The following GPRC6A variants were observed in gnomAD, a reference collection of about 807,000 sequenced individuals.
GPRC6A encodes the protein G protein-coupled receptor class C group 6 member A.
In GPRC6A, 54 loss-of-function variants were observed where a neutral mutation model predicts 47.0. The observed-to-expected ratio is 1.15, with a 90% CI of 0.92 to 1.44. GPRC6A has a LOEUF of 1.44. GPRC6A is among the 40% of genes most tolerant of loss of function. The pLI is 0.00. For missense variants in GPRC6A, 1,112 were observed against 1,105.5 expected (o/e 1.01, Z -0.08); for synonymous variants, 347 against 377.1 (o/e 0.92, Z 0.93).
intron 1 of GPRC6A, among the ~76,000 whole-genome samples, chr6:116,811,802 T>A (rs2203191): frequency 0.12 from 17,440 of 151,460 alleles, 1,291 homozygotes; most frequent in African/African-American, 0.21. Context: ...GTTCAACTTT[T>A]GAAATAACCC....
At chr6:116,795,210 G>A (rs1014019224) in intron 5 of GPRC6A, among the ~76,000 whole-genome samples, 7 of 152,146 alleles carry the variant, frequency 4.6e-5, no homozygotes, top group African/African-American at 1.7e-4. Context: ...TTGGTCCCTT[G>A]TCTCACAGAA....
chr6:116,814,116 G>A (rs1203383061), intron 1 of GPRC6A, among the ~76,000 whole-genome samples: 1 of 152,188 alleles, frequency 6.6e-6, no homozygotes, highest in Non-Finnish European at 1.5e-5. Context: ...AGATGCTGGA[G>A]AGGATGTGGA....
chr6:116,812,963 AACAG>A (rs1332678754), intron 1 of GPRC6A, among the ~76,000 whole-genome samples: 1 of 152,196 alleles, frequency 6.6e-6, no homozygotes, highest in Admixed American at 6.5e-5. Flanking sequence ...ATACACCAAT[AACAG>A]ACAAACAGAG....
intron 1 of GPRC6A, among the ~76,000 whole-genome samples, chr6:116,821,591 G>C (rs1178814508): frequency 1.2e-4 from 18 of 152,030 alleles, no homozygotes; most frequent in Admixed American, 6.6e-4. Context: ...ACAAACCTGA[G>C]AAAAACAAGC....
rs547136521 is a variant in GPRC6A, at chr6:116,813,560, GA to G, written c.195-3944del. On this transcript the variant is annotated intron_variant, in intron 1 of 5. Coordinates refer to ENST00000310357, the MANE Select transcript of GPRC6A (RefSeq NM_148963.4). Reference sequence around the variant, plus strand: ...TGGGAAAGCTGGCTAGCCATATGCAGAAAGCTGAAACCGGATCCCTTCCTTA... The same window carrying G: ...TGGGAAAGCTGGCTAGCCATATGCAGAAGCTGAAACCGGATCCCTTCCTTA... 3.7e-3 allele frequency among the ~76,000 whole-genome samples: 568 copies of G among 152,288 alleles called. 5 individuals carry two copies. Among genetic ancestry groups the G allele is most frequent in the Middle Eastern group, 0.024 (7 of 294 alleles).
chr6:116,793,270 C>T lies in GPRC6A; in HGVS notation c.1673-20G>A, dbSNP rs1477626212. ...GCATATCTAAAAGACAGAGGAGACG[C>T]AGTTACATTGTCAACATTTAAACTA... On this transcript the variant is annotated intron_variant, in intron 5 of 5. Transcript: ENST00000310357. The T allele has an allele frequency of 1.3e-6, 2 of 1,534,166 alleles. No individual in the cohort carries two copies. Among genetic ancestry groups the T allele is most frequent in the Non-Finnish European group, 1.8e-6 (2 of 1,140,986 alleles).
At chr6:116,805,696 G>T (rs894934478) in intron 3 of GPRC6A, among the ~76,000 whole-genome samples, 2 of 151,938 alleles carry the variant, frequency 1.3e-5, no homozygotes, top group African/African-American at 4.8e-5. Context: ...GAGAAGAAAG[G>T]GAAAAAGCTC....
At chr6:116,817,007 G>A (rs958797036) in intron 1 of GPRC6A, among the ~76,000 whole-genome samples, 147 of 152,320 alleles carry the variant, frequency 9.7e-4, no homozygotes, top group African/African-American at 3.2e-3. Flanking sequence ...CAAAGCAGCC[G>A]GGAAGCTTGA....
In GPRC6A at chr6:116,809,375, G is replaced by C; in HGVS notation, c.437C>G (p.Ser146Cys). The C allele has an allele frequency of 6.2e-7, 1 of 1,613,580 alleles. No individual in the cohort carries two copies. Among genetic ancestry groups the C allele is most frequent in the Non-Finnish European group, 8.5e-7 (1 of 1,179,646 alleles). Reference protein sequence around the residue: ...YMPRVKAVIGSGYSEITMAVS... With the variant: ...YMPRVKAVIGCGYSEITMAVS... ...AGCCATAGTTATTTCTGAGTACCCA[G>C]AACCTATGACAGCCTTAACTCTTGG... The change falls in exon 2 of 6, where the codon TCT (serine) becomes TGT (cysteine). Residue 146 changes from serine to cysteine, a missense_variant. Physicochemically the swap from Ser to Cys is moderately radical, Grantham distance 112 (BLOSUM62 -1). Coordinates refer to ENST00000310357, the MANE Select transcript of GPRC6A (RefSeq NM_148963.4).
At chr6:116,826,838 T>C (rs1423198826) in intron 1 of GPRC6A, among the ~76,000 whole-genome samples, 2 of 151,856 alleles carry the variant, frequency 1.3e-5, no homozygotes, top group Non-Finnish European at 2.9e-5. Context: ...AAATGTGATA[T>C]ATATACACAA....
Position 116,817,297 on chromosome 6 carries a change from C to G in GPRC6A, c.195-7680G>C, listed in dbSNP as rs1317256527. Among the ~76,000 whole-genome samples, 426 of 152,028 alleles carry G rather than the reference C, an allele frequency of 2.8e-3. 1 individual carries two copies. The highest frequency in any genetic ancestry group is 4.5e-3 in the African/African-American group (185 of 41,436). On this transcript the variant is annotated intron_variant, in intron 1 of 5. Coordinates refer to ENST00000310357, the MANE Select transcript of GPRC6A (RefSeq NM_148963.4). ...GGCACACTGACATCTCACACGGCAG[C>G]GTATTCCAACAGACCTGCAGCTGAG...
intron 1 of GPRC6A, among the ~76,000 whole-genome samples, chr6:116,816,937 C>G (rs1481364047): frequency 6.6e-6 from 1 of 152,168 alleles, no homozygotes; most frequent in Non-Finnish European, 1.5e-5. Flanking sequence ...GATCAAACTG[C>G]AAGGTGGCAG....
Position 116,807,203 on chromosome 6 carries a change from C to A in GPRC6A, c.502G>T (p.Gly168Cys). The A allele has an allele frequency of 6.3e-7, 1 of 1,595,372 alleles. No homozygotes were observed. Among genetic ancestry groups the A allele is most frequent in the Non-Finnish European group, 8.6e-7 (1 of 1,164,860 alleles). The change falls in exon 3 of 6, where the codon GGT (glycine) becomes TGT (cysteine). Residue 168 changes from glycine to cysteine, a missense_variant. Coordinates refer to ENST00000310357, the MANE Select transcript of GPRC6A (RefSeq NM_148963.4). ...AGGATTTCTGCAGTTGATTCATAACCCACCTGGAAATAGACAGAATATTTT... is the reference window on the plus strand; with the variant it reads ...AGGATTTCTGCAGTTGATTCATAACACACCTGGAAATAGACAGAATATTTT... ...MLNLQLMPQV[G>C]YESTAEILSD...
At chr6:116,828,315 CT>C (rs1345031152) in intron 1 of GPRC6A, among the ~76,000 whole-genome samples, 2 of 151,782 alleles carry the variant, frequency 1.3e-5, no homozygotes, top group African/African-American at 2.4e-5. Flanking sequence ...GGAAGGAGCA[CT>C]TTGAGTTGAG....
chr6:116,827,020 C>G (rs1224301043), intron 1 of GPRC6A, among the ~76,000 whole-genome samples: 2 of 151,596 alleles, frequency 1.3e-5, no homozygotes, highest in Non-Finnish European at 3.0e-5. Flanking sequence ...AGGTAGAGAG[C>G]TGACATTATA....
chr6:116,806,886 G>A lies in GPRC6A; in HGVS notation c.819C>T (p.Val273=), dbSNP rs1772861182. ...GGAATTGCCTCAGAAATACCACAAT[G>A]ACATTAACCTGGGCTTCTAAAATGA... ...KKIILEAQVN[V]IVVFLRQFHV... is the part of the protein sequence containing the mutation. Residue 273 remains valine (V), a synonymous_variant, in exon 3 of 6, where the codon GTC becomes GTT. Coordinates refer to ENST00000310357, the MANE Select transcript of GPRC6A (RefSeq NM_148963.4). The A allele has an allele frequency of 6.2e-7, 1 of 1,613,428 alleles. No individual in the cohort carries two copies. Among genetic ancestry groups the A allele is most frequent in the African/African-American group, 1.3e-5 (1 of 74,984 alleles).
chr6:116,807,311 T>G (rs1772881265), intron 2 of GPRC6A, 105 bp from the exon 3 acceptor site: 1 of 691,970 alleles, frequency 1.4e-6, no homozygotes, highest in African/African-American at 1.8e-5. Flanking sequence ...ATGACTTTCC[T>G]TAAATTCTCT....
intron 3 of GPRC6A, among the ~76,000 whole-genome samples, chr6:116,802,507 G>A (rs1468206626): frequency 6.6e-6 from 1 of 152,258 alleles, no homozygotes; most frequent in East Asian, 1.9e-4. Flanking sequence ...AAGTGATATG[G>A]TTGATATTGT....
chr6:116,806,547 G>A lies in GPRC6A; in HGVS notation c.1158C>T (p.Tyr386=). ...IFNHSQRTLA[Y]KANKAIERNF... is the part of the protein sequence containing the mutation. ...TCCTTTCTATAGCCTTGTTAGCCTT[G>A]TAGGCCAAAGTCCTTTGAGAATGAT... Residue 386 remains tyrosine, a synonymous_variant, in exon 3 of 6, where the codon TAC becomes TAT. Transcript: ENST00000310357. 6.2e-7 allele frequency: 1 copy of A among 1,613,548 alleles called. No homozygotes were observed. Among genetic ancestry groups the A allele is most frequent in the Non-Finnish European group, 8.5e-7 (1 of 1,179,744 alleles).
Sources: allele counts gnomAD v4.1 joint callset (sites outside exome capture counted in the v4.1 genomes callset), GRCh38; gene constraint gnomAD v4.1.1; transcripts MANE v1.5; gene names NCBI Gene and HGNC (gene_info 2026-07-23, HGNC 2026-07-21).